Variants in GPC6 observed in about 807,000 individuals in gnomAD.
GPC6 encodes glypican 6.
In GPC6, 14 loss-of-function variants were observed where a neutral mutation model predicts 55.2. The ratio of observed to expected loss-of-function variants is 0.25; its 90% confidence interval spans 0.17 to 0.40. GPC6 has a LOEUF of 0.40. GPC6 is among the 10% of genes least tolerant of loss of function. The pLI, the probability that GPC6 is intolerant of heterozygous loss-of-function variation, is 1.00. For synonymous variants in GPC6, 278 were observed against 259.6 expected (o/e 1.07, Z -0.68); for missense variants, 641 against 708.5 (o/e 0.90, Z 1.08).
At chr13:94,219,621 T>C (rs1265889063) in intron 4 of GPC6, among the ~76,000 whole-genome samples, 3 of 152,156 alleles carry the variant, frequency 2.0e-5, no homozygotes, top group African/African-American at 7.2e-5. Flanking sequence ...TGCCCTGATG[T>C]GCACAGAAGC....
chr13:93,673,468 G>C (rs185851338), intron 2 of GPC6, among the ~76,000 whole-genome samples: 12 of 152,228 alleles, frequency 7.9e-5, no homozygotes, highest in African/African-American at 2.9e-4. Flanking sequence ...AGTTGAGATA[G>C]TGCCACTGCA....
At chr13:94,192,276 A>G (rs1566525639) in intron 4 of GPC6, among the ~76,000 whole-genome samples, 1 of 152,230 alleles carries the variant, frequency 6.6e-6, no homozygotes, top group African/African-American at 2.4e-5. Flanking sequence ...CAATCTATAA[A>G]GTATAGAAAG....
intron 4 of GPC6, among the ~76,000 whole-genome samples, chr13:94,211,472 A>T (rs1388853851): frequency 6.6e-6 from 1 of 152,234 alleles, no homozygotes; most frequent in East Asian, 1.9e-4. Flanking sequence ...TATTTTTGTC[A>T]ATTATGAGTA....
intron 4 of GPC6, among the ~76,000 whole-genome samples, chr13:94,048,364 C>T (rs774036367): frequency 1.3e-5 from 2 of 151,842 alleles, no homozygotes; most frequent in Non-Finnish European, 2.9e-5. Context: ...TCCCATACTA[C>T]TAGAGGCACA....
chr13:93,958,524 C>A (rs183678528), intron 3 of GPC6, among the ~76,000 whole-genome samples: 66 of 152,246 alleles, frequency 4.3e-4, no homozygotes, highest in African/African-American at 1.3e-3. Context: ...GGCTTTATTT[C>A]TGAGTTTTCT....
At chr13:93,276,483 AGAGAGAGAGAGAGTGT>A (rs1566275829) in intron 1 of GPC6, among the ~76,000 whole-genome samples, 1 of 134,058 alleles carries the variant, frequency 7.5e-6, no homozygotes, top group African/African-American at 3.3e-5. Flanking sequence ...AGAGAGAGAG[AGAGAGAGAGAGAGTGT>A]GTGTGTGTGT....
chr13:93,425,729 C>T (rs1877100844), intron 1 of GPC6, among the ~76,000 whole-genome samples: 1 of 152,126 alleles, frequency 6.6e-6, no homozygotes, highest in Non-Finnish European at 1.5e-5. Context: ...AACTGCAAAC[C>T]TCTCACCATT....
At chr13:94,027,580 AG>A in intron 3 of GPC6, 148 bp from the exon 4 acceptor site, 1 of 712,780 alleles carries the variant, frequency 1.4e-6, no homozygotes, top group Non-Finnish European at 2.4e-6. Flanking sequence ...GCCAAGCAGA[AG>A]AATTCAACAG....
At chr13:93,941,317 CATT>C (rs1878725345) in intron 3 of GPC6, among the ~76,000 whole-genome samples, 1 of 151,956 alleles carries the variant, frequency 6.6e-6, no homozygotes, top group Non-Finnish European at 1.5e-5. Context: ...TTTTTTTTCT[CATT>C]AGTAAAATGC....
chr13:93,805,700 G>A (rs984252175), intron 2 of GPC6, among the ~76,000 whole-genome samples: 1 of 152,124 alleles, frequency 6.6e-6, no homozygotes, highest in Non-Finnish European at 1.5e-5. Flanking sequence ...CTAAAAAGAA[G>A]GAGCAGAATT....
chr13:93,654,968 C>T (rs1354817044), intron 2 of GPC6, among the ~76,000 whole-genome samples: 2 of 148,776 alleles, frequency 1.3e-5, no homozygotes, highest in African/African-American at 5.0e-5. Context: ...TCCAGAGTAG[C>T]TGGGACTACA....
rs148958471 is a variant in GPC6, at chr13:93,513,170, G to A, written c.161-32093G>A. On this transcript the variant is annotated intron_variant, in intron 1 of 8. Coordinates refer to ENST00000377047, the MANE Select transcript of GPC6 (RefSeq NM_005708.5). The stretch of plus-strand genomic sequence containing the variant: ...GTGTAGCTTCTGTTGGGAATCAAGC[G>A]GGAGTAAGATGAACACTTTGTGTAG... 2.6e-3 allele frequency among the ~76,000 whole-genome samples: 394 copies of A among 152,186 alleles called. 1 individual carries two copies. The highest frequency in any genetic ancestry group is 9.1e-3 in the African/African-American group (380 of 41,538).
intron 1 of GPC6, among the ~76,000 whole-genome samples, chr13:93,341,340 G>A (rs1880248328): frequency 6.6e-6 from 1 of 152,158 alleles, no homozygotes; most frequent in Admixed American, 6.5e-5. Context: ...TTCCATAGTG[G>A]TTGTACTAGT....
At chr13:93,786,331 G>A (rs1263447277) in intron 2 of GPC6, among the ~76,000 whole-genome samples, 5 of 152,108 alleles carry the variant, frequency 3.3e-5, no homozygotes, top group Admixed American at 3.3e-4. Flanking sequence ...ACTCCCTGTA[G>A]CTTGTTTTAT....
intron 4 of GPC6, among the ~76,000 whole-genome samples, chr13:94,271,950 A>AT (rs1566618864): frequency 6.6e-6 from 1 of 152,086 alleles, no homozygotes; most frequent in African/African-American, 2.4e-5. Context: ...GAGTTTTTTC[A>AT]TTTTTTTAAA....
At chr13:94,327,967 C>T (rs1393095637) in intron 6 of GPC6, among the ~76,000 whole-genome samples, 1 of 152,108 alleles carries the variant, frequency 6.6e-6, no homozygotes, top group African/African-American at 2.4e-5. Context: ...CTTCCTCCCC[C>T]TTCCCCTCCG....
At chr13:94,174,386 G>T (rs754225012) in intron 4 of GPC6, among the ~76,000 whole-genome samples, 1 of 152,056 alleles carries the variant, frequency 6.6e-6, no homozygotes, top group Non-Finnish European at 1.5e-5. Context: ...TGGAGTTAGA[G>T]GACACAATGG....
chr13:93,583,935 C>T (rs578113195), intron 2 of GPC6, among the ~76,000 whole-genome samples: 2 of 152,208 alleles, frequency 1.3e-5, no homozygotes, highest in African/African-American at 4.8e-5. Context: ...CAGAGAAAAC[C>T]TCCTACTCAT....
intron 3 of GPC6, among the ~76,000 whole-genome samples, chr13:93,903,878 C>T (rs1876492210): frequency 6.6e-6 from 1 of 152,068 alleles, no homozygotes; most frequent in Admixed American, 6.6e-5. Context: ...TTATTAGTGC[C>T]ACTCATTTGG....
Sources: allele counts gnomAD v4.1 joint callset (sites outside exome capture counted in the v4.1 genomes callset), GRCh38; gene constraint gnomAD v4.1.1; transcripts MANE v1.5; gene names NCBI Gene and HGNC (gene_info 2026-07-23, HGNC 2026-07-21).